The following HTR7 variants were observed in gnomAD, a reference collection of about 807,000 sequenced individuals.
The protein encoded by HTR7 is 5-HT-7.
A neutral mutation model predicts 34.0 loss-of-function variants in HTR7; 16 were observed. The ratio of observed to expected loss-of-function variants is 0.47; its 90% CI spans 0.32 to 0.71. The LOEUF is 0.71. Ranked by LOEUF, HTR7 falls within the 30% of genes least tolerant of loss-of-function variation. The probability of loss-of-function intolerance (pLI) is 0.04; values close to 1 mark genes in which losing one functional copy is unlikely to be tolerated. For synonymous variants in HTR7, 265 were observed against 260.2 expected (o/e 1.02, Z -0.18); for missense variants, 504 against 625.5 (o/e 0.81, Z 2.07).
chr10:90,745,884 G>C (rs1445087165), intron 2 of HTR7, among the ~76,000 whole-genome samples: 1 of 152,090 alleles, frequency 6.6e-6, no homozygotes, highest in Non-Finnish European at 1.5e-5. Context: ...TTTACCACTT[G>C]GCCCTTCACA....
rs560881452 is a variant in HTR7, at chr10:90,840,278, TG to T, written c.539+16854del. 2.0e-4 allele frequency among the ~76,000 whole-genome samples: 31 copies of T among 152,052 alleles called. No homozygotes were observed. In the East Asian group the frequency reaches 6.0e-3, roughly 29 times the overall value. The stretch of plus-strand genomic sequence containing the variant: ...TCTTAAATCTGTGAAGGACTAGATC[TG>T]ATAGTCCATAATACCTTAATTGTCA... On this transcript the variant is annotated intron_variant, in intron 1 of 3. Transcript: ENST00000336152.
At chr10:90,829,146 C>A (rs538412559) in intron 1 of HTR7, among the ~76,000 whole-genome samples, 1 of 152,202 alleles carries the variant, frequency 6.6e-6, no homozygotes, top group South Asian at 2.1e-4. Context: ...AGGACAAAAC[C>A]CATATATCAT....
intron 1 of HTR7, among the ~76,000 whole-genome samples, chr10:90,829,181 T>C (rs1171025511): frequency 1.1e-4 from 16 of 152,094 alleles, no homozygotes; most frequent in Admixed American, 9.2e-4. Flanking sequence ...AAAAAGACAT[T>C]TGATAAAATT....
intron 3 of HTR7, among the ~76,000 whole-genome samples, chr10:90,742,852 G>A (rs1844575053): frequency 6.6e-6 from 1 of 152,058 alleles, no homozygotes; most frequent in Non-Finnish European, 1.5e-5. Context: ...TATTGCACCT[G>A]CCCCACTTGA....
At chr10:90,817,139 G>C (rs1284410798) in intron 1 of HTR7, among the ~76,000 whole-genome samples, 1 of 152,134 alleles carries the variant, frequency 6.6e-6, no homozygotes, top group Non-Finnish European at 1.5e-5. Flanking sequence ...TTAGCCAAAA[G>C]GGGGAAAAAT....
intron 1 of HTR7, among the ~76,000 whole-genome samples, chr10:90,798,970 T>A (rs944315872): frequency 2.0e-5 from 3 of 151,914 alleles, no homozygotes; most frequent in African/African-American, 7.3e-5. Context: ...GGTTTAGGAG[T>A]CATGTAGCTG....
At chr10:90,753,499 A>G (rs1844776879) in intron 1 of HTR7, among the ~76,000 whole-genome samples, 1 of 152,222 alleles carries the variant, frequency 6.6e-6, no homozygotes, top group Admixed American at 6.5e-5. Context: ...ATATTTAAGA[A>G]AGACAAAATC....
intron 1 of HTR7, among the ~76,000 whole-genome samples, chr10:90,816,132 A>T (rs1468734902): frequency 6.6e-6 from 1 of 152,210 alleles, no homozygotes; most frequent in African/African-American, 2.4e-5. Context: ...GTCTGAAGCT[A>T]TGCGAGGAGC....
intron 1 of HTR7, among the ~76,000 whole-genome samples, chr10:90,839,596 T>C (rs994726089): frequency 6.6e-6 from 1 of 152,094 alleles, no homozygotes; most frequent in African/African-American, 2.4e-5. Context: ...ACTGGATAAA[T>C]GGGTGAAATA....
intron 1 of HTR7, among the ~76,000 whole-genome samples, chr10:90,767,132 T>A (rs1158448282): frequency 6.6e-6 from 1 of 152,110 alleles, no homozygotes; most frequent in Non-Finnish European, 1.5e-5. Flanking sequence ...TGGGATGAGG[T>A]CACGGGCTTT....
Position 90,845,830 on chromosome 10 carries a change from A to G in HTR7, c.539+11303T>C, listed in dbSNP as rs184546620. ...TGGCCACCCTTGGTGCCCAGAAGCC[A>G]TGAGCTTTCCCCCTGGACCCTTCAC... On this transcript the variant is annotated intron_variant, in intron 1 of 3. Coordinates refer to ENST00000336152, the MANE Select transcript of HTR7 (RefSeq NM_019859.4). Among the ~76,000 whole-genome samples the G allele has an allele frequency of 4.2e-4, 64 of 152,314 alleles. No individual in the cohort carries two copies. In the South Asian group the frequency reaches 9.7e-3, roughly 23 times the overall value.
chr10:90,835,495 T>C (rs767659442), intron 1 of HTR7, among the ~76,000 whole-genome samples: 2 of 152,168 alleles, frequency 1.3e-5, no homozygotes, highest in Non-Finnish European at 2.9e-5. Context: ...CTTCTATGTC[T>C]CTCTTTCATA....
chr10:90,806,497 G>A (rs1206666304), intron 1 of HTR7, among the ~76,000 whole-genome samples: 2 of 152,124 alleles, frequency 1.3e-5, no homozygotes, highest in African/African-American at 2.4e-5. Flanking sequence ...TACTTGGGAG[G>A]CTGAGGCAGG....
chr10:90,799,061 A>AT (rs1242548609), intron 1 of HTR7, among the ~76,000 whole-genome samples: 2 of 152,158 alleles, frequency 1.3e-5, no homozygotes, highest in African/African-American at 4.8e-5. Context: ...AGTGCCTGAG[A>AT]TATTTTGCAA....
chr10:90,767,651 G>A (rs1845044457), intron 1 of HTR7, among the ~76,000 whole-genome samples: 1 of 152,166 alleles, frequency 6.6e-6, no homozygotes, highest in Non-Finnish European at 1.5e-5. Flanking sequence ...TTCTGAGGCT[G>A]ACCCTTAAGA....
At chr10:90,833,487 G>A (rs979086216) in intron 1 of HTR7, among the ~76,000 whole-genome samples, 9 of 152,166 alleles carry the variant, frequency 5.9e-5, no homozygotes, top group African/African-American at 1.7e-4. Flanking sequence ...AGAACGTACC[G>A]CATGGGGTTG....
intron 1 of HTR7, among the ~76,000 whole-genome samples, chr10:90,826,485 T>C (rs948722155): frequency 6.6e-6 from 1 of 152,100 alleles, no homozygotes; most frequent in African/African-American, 2.4e-5. Context: ...TGTTAACTAC[T>C]CACCTCTTGA....
In HTR7 at chr10:90,802,302, G is replaced by C. The variant is rs188022087; in HGVS notation, c.540-52708C>G. Among the ~76,000 whole-genome samples, 323 of 152,334 alleles carry C rather than the reference G, an allele frequency of 2.1e-3. 12 individuals are homozygous for C. Among genetic ancestry groups the C allele is most frequent in the Admixed American group, 0.02 (308 of 15,304 alleles). On this transcript the variant is annotated intron_variant, in intron 1 of 3. Transcript: ENST00000336152. ...GAGTCCAAGACACATAATATTTTAA[G>C]TAACACACTGTTCTGAATGTGTCAA...
chr10:90,749,323 C>T lies in HTR7; in HGVS notation c.811G>A (p.Ala271Thr). ...QIYKAARKSA[A>T]KHKFPGFPRV... Reference sequence around the variant, plus strand: ...GGGAAGCCAGGAAACTTGTGTTTGGCAGCACTCTTCCTGGCAGCCTTGTAA... The same window carrying T: ...GGGAAGCCAGGAAACTTGTGTTTGGTAGCACTCTTCCTGGCAGCCTTGTAA... The change falls in exon 2 of 4, where the codon GCC becomes ACC. Residue 271 changes from alanine to threonine, a missense_variant. Transcript: ENST00000336152. The surrounding 1 kb of genome is among the most constrained non-coding windows in gnomAD (Gnocchi z 4.2). 1 of 1,614,194 alleles carries T rather than the reference C, an allele frequency of 6.2e-7. No individual in the cohort carries two copies. Among genetic ancestry groups the T allele is most frequent in the Non-Finnish European group, 8.5e-7 (1 of 1,180,042 alleles).
Sources: allele counts gnomAD v4.1 joint callset (sites outside exome capture counted in the v4.1 genomes callset), GRCh38; gene constraint gnomAD v4.1.1; non-coding constraint Gnocchi (gnomAD v3.1); transcripts MANE v1.5; gene names NCBI Gene and HGNC (gene_info 2026-07-23, HGNC 2026-07-21).